Variants in EHBP1 observed in about 807,000 individuals in gnomAD.
EHBP1 encodes EH domain-binding protein 1.
EHBP1 carries 55 observed loss-of-function variants against 144.0 expected under a neutral mutation model. That is an observed-to-expected ratio of 0.38 (90% CI 0.31 to 0.48). The LOEUF (loss-of-function observed/expected upper bound fraction) is 0.48, where lower values mean the gene tolerates loss of function less well. EHBP1 is among the 20% of genes least tolerant of loss of function. The probability of loss-of-function intolerance (pLI) is 0.98; values close to 1 mark genes in which losing one functional copy is unlikely to be tolerated. For synonymous variants in EHBP1, 469 were observed against 472.7 expected (o/e 0.99, Z 0.10); for missense variants, 1,200 against 1,364.2 (o/e 0.88, Z 1.90).
chr2:63,023,559 A>T lies in EHBP1; in HGVS notation c.3104-13976A>T, dbSNP rs1424626370. Among the ~76,000 whole-genome samples the T allele has an allele frequency of 2.6e-5, 4 of 152,306 alleles. No individual in the cohort carries two copies. The East Asian group carries it at 7.7e-4, about 29-fold the overall frequency. ...TTGTCAGTGTCCCTTGTACTTACTG[A>T]CTGGTTGTAGACTGCTCTTCTACTC... On this transcript the variant is annotated intron_variant, in intron 19 of 22. Coordinates refer to ENST00000431489, the MANE Select transcript of EHBP1 (RefSeq NM_001142616.3).
intron 13 of EHBP1, among the ~76,000 whole-genome samples, chr2:62,954,719 A>ATGAT (rs2057590175): frequency 6.6e-6 from 1 of 152,178 alleles, no homozygotes; most frequent in South Asian, 2.1e-4. Context: ...AGTGATACTT[A>ATGAT]TGATTGAACC....
At chr2:62,924,534 A>T (rs1044838734) in intron 10 of EHBP1, among the ~76,000 whole-genome samples, 20 of 152,208 alleles carry the variant, frequency 1.3e-4, no homozygotes, top group Admixed American at 1.2e-3. Flanking sequence ...ATCACAACAG[A>T]TACCACAGAA....
At chr2:62,894,030 G>A (rs1459461896) in intron 10 of EHBP1, among the ~76,000 whole-genome samples, 1 of 150,370 alleles carries the variant, frequency 6.7e-6, no homozygotes, top group Non-Finnish European at 1.5e-5. Flanking sequence ...GGGTGACAGA[G>A]CGAGACTCCG....
At chr2:62,859,361 A>G in intron 8 of EHBP1, 70 bp downstream of exon 8, 1 of 1,434,310 alleles carries the variant, frequency 7.0e-7, no homozygotes, top group Non-Finnish European at 9.4e-7. Flanking sequence ...GGGCAGGAAA[A>G]TATTTTCTTC....
At chr2:62,821,146 A>C (rs568974308) in intron 5 of EHBP1, among the ~76,000 whole-genome samples, 29 of 152,248 alleles carry the variant, frequency 1.9e-4, no homozygotes, top group African/African-American at 7.0e-4. Flanking sequence ...AATTATAAAA[A>C]TCTAAGTAAG....
At chr2:62,754,284 C>G (rs890335136) in intron 3 of EHBP1, among the ~76,000 whole-genome samples, 4 of 152,082 alleles carry the variant, frequency 2.6e-5, no homozygotes, top group Admixed American at 2.0e-4. Context: ...CTGGGTATCA[C>G]CAGTGAAGGC....
chr2:62,764,088 A>G (rs1381982584), intron 3 of EHBP1, among the ~76,000 whole-genome samples, 178 bp from the exon 4 acceptor site: 2 of 152,110 alleles, frequency 1.3e-5, no homozygotes, highest in Non-Finnish European at 2.9e-5. Context: ...ATGCTTGAAA[A>G]GTTTTATTTG....
chr2:62,778,383 A>C (rs973141866), intron 5 of EHBP1, among the ~76,000 whole-genome samples: 1 of 152,006 alleles, frequency 6.6e-6, no homozygotes, highest in African/African-American at 2.4e-5. Flanking sequence ...TTCTCTACAA[A>C]ATGTCAAAAA....
At chr2:62,812,164 A>G (rs886728616) in intron 5 of EHBP1, among the ~76,000 whole-genome samples, 1 of 152,202 alleles carries the variant, frequency 6.6e-6, no homozygotes, top group African/African-American at 2.4e-5. Flanking sequence ...TAATGCAACA[A>G]GAAACCCCTC....
At chr2:62,854,311 A>G (rs1042436107) in intron 7 of EHBP1, among the ~76,000 whole-genome samples, 14 of 152,202 alleles carry the variant, frequency 9.2e-5, no homozygotes, top group African/African-American at 3.4e-4. Context: ...TCATGTGTTC[A>G]CTGGGTTAGA....
chr2:62,893,482 A>G (rs2052623398), intron 10 of EHBP1, among the ~76,000 whole-genome samples: 1 of 152,186 alleles, frequency 6.6e-6, no homozygotes, highest in East Asian at 1.9e-4. Context: ...TACTCTTAAC[A>G]CTGCTTTGAA....
intron 14 of EHBP1, among the ~76,000 whole-genome samples, chr2:62,969,733 C>G (rs2058411828): frequency 6.6e-6 from 1 of 152,174 alleles, no homozygotes; most frequent in African/African-American, 2.4e-5. Context: ...TGACTTTCCA[C>G]TCTGTTTTGC....
At chr2:62,727,968 A>C (rs938012496) in intron 2 of EHBP1, among the ~76,000 whole-genome samples, 1 of 152,332 alleles carries the variant, frequency 6.6e-6, no homozygotes, top group East Asian at 1.9e-4. Context: ...CACGATTGAC[A>C]TCAGGGGTGA....
intron 1 of EHBP1, among the ~76,000 whole-genome samples, chr2:62,689,275 T>A (rs1023695188): frequency 2.6e-5 from 4 of 152,152 alleles, no homozygotes; most frequent in Non-Finnish European, 5.9e-5. Flanking sequence ...AAATCAAATA[T>A]GACAGAAATA....
chr2:62,751,538 G>A (rs968595093), intron 3 of EHBP1, among the ~76,000 whole-genome samples: 3 of 152,140 alleles, frequency 2.0e-5, no homozygotes, highest in Non-Finnish European at 4.4e-5. Context: ...TCTATTGATT[G>A]GAATAGTTTC....
chr2:63,045,038 T>G lies in EHBP1; in HGVS notation c.3278-28T>G. On this transcript the variant is annotated intron_variant, in intron 21 of 22. Coordinates refer to ENST00000431489, the MANE Select transcript of EHBP1 (RefSeq NM_001142616.3). This position sits in a 1 kb window ranked among gnomAD's most constrained non-coding sequence, Gnocchi z 5.7. Reference sequence around the variant, plus strand: ...GCCGGGTGTTCGGAGGCCCTGCCGGTGGGTAACTAGCCTCCCGTCTTCTGC... The same window carrying G: ...GCCGGGTGTTCGGAGGCCCTGCCGGGGGGTAACTAGCCTCCCGTCTTCTGC... 1 of 1,508,292 alleles carries G rather than the reference T, an allele frequency of 6.6e-7. No individual in the cohort carries two copies. The highest frequency in any genetic ancestry group is 9.0e-7 in the Non-Finnish European group (1 of 1,110,700). The allele number at this position is 1,508,292 out of a possible 1,614,324, so 93.4% of individuals were successfully genotyped here. A position where few individuals can be genotyped will look rare whatever the true frequency, so the allele number is the denominator to read the frequency against.
intron 10 of EHBP1, among the ~76,000 whole-genome samples, chr2:62,923,605 T>C (rs2055261516): frequency 6.6e-6 from 1 of 152,152 alleles, no homozygotes; most frequent in South Asian, 2.1e-4. Context: ...TAGCTCTACA[T>C]GCTGCCTCTG....
chr2:62,956,688 GAA>G (rs552448173), intron 14 of EHBP1, among the ~76,000 whole-genome samples: 8 of 107,506 alleles, frequency 7.4e-5, no homozygotes, highest in South Asian at 2.8e-4. Context: ...TCTACTTACA[GAA>G]AAAAAAAAAA....
intron 5 of EHBP1, among the ~76,000 whole-genome samples, chr2:62,775,229 A>G (rs2152386036): frequency 6.6e-6 from 1 of 152,320 alleles, no homozygotes; most frequent in South Asian, 2.1e-4. Flanking sequence ...GGCATTCTAT[A>G]TATAAACCTC....
Sources: allele counts gnomAD v4.1 joint callset (sites outside exome capture counted in the v4.1 genomes callset), GRCh38; gene constraint gnomAD v4.1.1; non-coding constraint Gnocchi (gnomAD v3.1); transcripts MANE v1.5; gene names NCBI Gene and HGNC (gene_info 2026-07-23, HGNC 2026-07-21).